The following LINGO2 variants were observed in gnomAD, a reference collection of about 807,000 sequenced individuals.
LINGO2 encodes the protein leucine-rich repeat and immunoglobulin-like domain-containing nogo receptor-interacting protein 2.
LINGO2 carries 14 observed loss-of-function variants against 30.6 expected under a neutral mutation model. That is an observed-to-expected ratio of 0.46 (90% CI 0.30 to 0.72). The LOEUF (loss-of-function observed/expected upper bound fraction) is 0.72, where lower values mean the gene tolerates loss of function less well. LINGO2 is among the 30% of genes least tolerant of loss of function. The probability of loss-of-function intolerance (pLI) is 0.07; values close to 1 mark genes in which losing one functional copy is unlikely to be tolerated. For missense variants in LINGO2, 729 were observed against 751.7 expected (o/e 0.97, Z 0.35); for synonymous variants, 317 against 288.5 (o/e 1.10, Z -1.00).
chr9:28,218,309 T>C (rs1820841119), intron 4 of LINGO2, among the ~76,000 whole-genome samples: 1 of 151,484 alleles, frequency 6.6e-6, no homozygotes, highest in African/African-American at 2.4e-5. Flanking sequence ...GAAATTTGGA[T>C]AGAATCTGTA....
intron 2 of LINGO2, among the ~76,000 whole-genome samples, chr9:28,446,605 G>T (rs911115719): frequency 6.6e-6 from 1 of 151,960 alleles, no homozygotes; most frequent in Admixed American, 6.6e-5. Flanking sequence ...CACTAATCTT[G>T]ATCCCTTTTG....
chr9:28,066,628 A>G (rs1825322231), intron 4 of LINGO2, among the ~76,000 whole-genome samples: 1 of 152,094 alleles, frequency 6.6e-6, no homozygotes, highest in African/African-American at 2.4e-5. Context: ...ATTAAATGAT[A>G]AGATTTAGGG....
rs189066329 is a variant in LINGO2 at position 28,054,852 on chromosome 9, G to A, written c.-86-42447C>T. ...CTAAATCTAAGCCTTAGGTTGTTAT[G>A]CCTTATTTTAGAAATGGAGCCTTTT... On this transcript the variant is annotated intron_variant, in intron 4 of 5. Coordinates refer to ENST00000379992, the Ensembl canonical transcript of LINGO2. 2.3e-3 allele frequency among the ~76,000 whole-genome samples: 347 copies of A among 152,036 alleles called. 3 individuals carry two copies. Among genetic ancestry groups the A allele is most frequent in the African/African-American group, 7.8e-3 (324 of 41,472 alleles).
chr9:29,002,360 A>G, the LINGO2 span, among the ~76,000 whole-genome samples: 2 of 152,078 alleles, frequency 1.3e-5, no homozygotes, highest in Admixed American at 1.3e-4. Flanking sequence ...AGGAGGGTAC[A>G]GAGGTAATTT....
chr9:28,600,639 G>C (rs541976039), intron 1 of LINGO2, among the ~76,000 whole-genome samples: 1 of 152,052 alleles, frequency 6.6e-6, no homozygotes, highest in East Asian at 1.9e-4. Context: ...AATATAAATC[G>C]AAGGTCAAAA....
At chr9:29,168,838 A>G in the LINGO2 span, among the ~76,000 whole-genome samples, 2 of 152,228 alleles carry the variant, frequency 1.3e-5, no homozygotes, top group African/African-American at 4.8e-5. Flanking sequence ...GCTCCCTAGT[A>G]CCAGCCAAAG....
chr9:28,134,623 C>A (rs1827466203), intron 4 of LINGO2, among the ~76,000 whole-genome samples: 1 of 152,130 alleles, frequency 6.6e-6, no homozygotes, highest in Admixed American at 6.5e-5. Flanking sequence ...TAAGGAATCC[C>A]CTGAAATGTG....
Position 28,590,177 on chromosome 9 carries a change from T to G in LINGO2, c.-365+80023A>C, listed in dbSNP as rs1406589594. On this transcript the variant is annotated intron_variant, in intron 1 of 5. Coordinates refer to ENST00000379992, the Ensembl canonical transcript of LINGO2. ...ATTCAAGATGGATTAAAGCCTTACA[T>G]GTTAGACCTAAAACCATAAAAACCC... Among the ~76,000 whole-genome samples, 466 of 152,248 alleles carry G rather than the reference T, an allele frequency of 3.1e-3. 6 individuals are homozygous for G. Among genetic ancestry groups the G allele is most frequent in the African/African-American group, 0.011 (449 of 41,540 alleles).
chr9:28,429,719 G>GT (rs1309073482), intron 2 of LINGO2, among the ~76,000 whole-genome samples: 1 of 152,088 alleles, frequency 6.6e-6, no homozygotes, highest in African/African-American at 2.4e-5. Flanking sequence ...CACCACTAAA[G>GT]TACTTCCATT....
intron 3 of LINGO2, among the ~76,000 whole-genome samples, chr9:28,331,970 G>T (rs1825436931): frequency 6.6e-6 from 1 of 152,006 alleles, no homozygotes; most frequent in Admixed American, 6.6e-5. Flanking sequence ...ATTTTTCAAA[G>T]GATTATCTAA....
chr9:28,172,774 C>G (rs142266665), intron 4 of LINGO2, among the ~76,000 whole-genome samples: 43 of 152,118 alleles, frequency 2.8e-4, no homozygotes, highest in African/African-American at 9.9e-4. Context: ...GTTCTCTTCT[C>G]GTTTTTTGTC....
chr9:28,192,860 T>C (rs1819870991), intron 4 of LINGO2, among the ~76,000 whole-genome samples: 1 of 152,160 alleles, frequency 6.6e-6, no homozygotes, highest in Non-Finnish European at 1.5e-5. Context: ...CATTTTTCTA[T>C]GTGAAAATTT....
the LINGO2 span, among the ~76,000 whole-genome samples, chr9:29,189,056 G>A: frequency 9.6e-6 from 1 of 104,484 alleles, no homozygotes; most frequent in African/African-American, 3.5e-5. Context: ...CCGGGCGGGG[G>A]GCTGACCCCC....
At chr9:28,999,003 A>C in the LINGO2 span, among the ~76,000 whole-genome samples, 2 of 152,140 alleles carry the variant, frequency 1.3e-5, no homozygotes, top group African/African-American at 4.8e-5. Flanking sequence ...GCAAACCATG[A>C]GTCAGGCACA....
chr9:29,193,911 C>T, the LINGO2 span, among the ~76,000 whole-genome samples: 1 of 152,196 alleles, frequency 6.6e-6, no homozygotes, highest in Non-Finnish European at 1.5e-5. Flanking sequence ...CTACTGCAGG[C>T]TTGTGGGGAC....
chr9:28,689,648 C>A, the LINGO2 span, among the ~76,000 whole-genome samples: 3 of 145,672 alleles, frequency 2.1e-5, no homozygotes, highest in African/African-American at 8.5e-5. Flanking sequence ...GACAGTGTGG[C>A]AATTCTTCAA....
At chr9:28,892,535 A>G in the LINGO2 span, among the ~76,000 whole-genome samples, 2 of 151,994 alleles carry the variant, frequency 1.3e-5, no homozygotes, top group Admixed American at 6.6e-5. Flanking sequence ...AACCAACAAA[A>G]ACTATATACA....
chr9:29,056,080 G>A, the LINGO2 span, among the ~76,000 whole-genome samples: 125 of 151,984 alleles, frequency 8.2e-4, 1 homozygote, highest in Admixed American at 8.0e-3. Flanking sequence ...AAACATTCAT[G>A]TGCAAGTATC....
At chr9:28,076,532 G>A (rs749099575) in intron 4 of LINGO2, among the ~76,000 whole-genome samples, 52 of 151,264 alleles carry the variant, frequency 3.4e-4, no homozygotes, top group Admixed American at 1.1e-3. Context: ...TTTAAGAATA[G>A]GTTTAAATCT....
Sources: allele counts gnomAD v4.1 joint callset (sites outside exome capture counted in the v4.1 genomes callset), GRCh38; gene constraint gnomAD v4.1.1; transcripts MANE v1.5; gene names NCBI Gene and HGNC (gene_info 2026-07-23, HGNC 2026-07-21).